SPOCK1: variants seen among roughly 807,000 people sequenced by gnomAD.
The protein encoded by SPOCK1 is SPARC (osteonectin), cwcv and kazal like domains proteoglycan 1.
In SPOCK1, 23 loss-of-function variants were observed where a neutral mutation model predicts 55.3. The ratio of observed to expected loss-of-function variants is 0.42; its 90% CI spans 0.30 to 0.59. The LOEUF (loss-of-function observed/expected upper bound fraction) is 0.59. SPOCK1 is among the 20% of genes least tolerant of loss of function. The probability of loss-of-function intolerance (pLI) is 0.22; values close to 1 mark genes in which losing one functional copy is unlikely to be tolerated. For missense variants in SPOCK1, 499 were observed against 552.5 expected, an observed-to-expected ratio of 0.90 and a Z score of 0.97; for synonymous variants, 226 against 221.0, an observed-to-expected ratio of 1.02 and a Z score of -0.20.
chr5:137,411,250 G>C (rs1457317266), intron 2 of SPOCK1, among the ~76,000 whole-genome samples: 1 of 152,160 alleles, frequency 6.6e-6, no homozygotes, highest in Non-Finnish European at 1.5e-5. Context: ...CCCAGATAAA[G>C]GGAGCTCTGA....
chr5:137,408,771 A>G (rs1752151585), intron 2 of SPOCK1, among the ~76,000 whole-genome samples: 1 of 152,246 alleles, frequency 6.6e-6, no homozygotes, highest in African/African-American at 2.4e-5. Context: ...CCTGGAAATC[A>G]GAATAAGATG....
chr5:137,173,398 G>C (rs889446874), intron 3 of SPOCK1, among the ~76,000 whole-genome samples: 1 of 152,104 alleles, frequency 6.6e-6, no homozygotes, highest in Admixed American at 6.6e-5. Flanking sequence ...CTTAACCAGA[G>C]TTGGCTTCTG....
At chr5:137,480,196 C>T (rs577852836) in intron 2 of SPOCK1, among the ~76,000 whole-genome samples, 52 of 152,162 alleles carry the variant, frequency 3.4e-4, no homozygotes, top group Admixed American at 1.4e-3. Flanking sequence ...GTTTATTTCC[C>T]GAACTGAAAT....
chr5:137,001,037 T>C (rs1421359675), intron 6 of SPOCK1, among the ~76,000 whole-genome samples: 2 of 152,020 alleles, frequency 1.3e-5, no homozygotes, highest in East Asian at 3.9e-4. Flanking sequence ...AAACAAAAAA[T>C]AGGCTCTGGA....
In SPOCK1 at chr5:136,978,580, T is replaced by G. The variant is rs1750661519; in HGVS notation, c.*74A>C. ...GAGAAGAGACCTTGGTGCCTTGGAG[T>G]CTTAGATACAAATGCAGGAATAGGA... On this transcript the variant is annotated 3_prime_UTR_variant, in exon 11 of 11. Transcript: ENST00000394945. The G allele has an allele frequency of 6.7e-7, 1 of 1,495,194 alleles. No homozygotes were observed. Among genetic ancestry groups the G allele is most frequent in the Admixed American group, 2.2e-5 (1 of 46,506 alleles). The allele number at this position is 1,495,194 out of a possible 1,614,324, so 92.6% of individuals were successfully genotyped here.
At chr5:137,284,562 C>T (rs1034031423) in intron 2 of SPOCK1, among the ~76,000 whole-genome samples, 1 of 152,202 alleles carries the variant, frequency 6.6e-6, no homozygotes, top group Non-Finnish European at 1.5e-5. Flanking sequence ...AGGTGCTGGG[C>T]CTGGCTCTGC....
At chr5:137,484,885 C>CA (rs1238637836) in intron 2 of SPOCK1, among the ~76,000 whole-genome samples, 1 of 152,044 alleles carries the variant, frequency 6.6e-6, no homozygotes, top group African/African-American at 2.4e-5. Flanking sequence ...AGAATAGCAC[C>CA]TTACTAAAAT....
chr5:137,116,771 C>T (rs1480416535), intron 4 of SPOCK1, among the ~76,000 whole-genome samples: 1 of 152,204 alleles, frequency 6.6e-6, no homozygotes, highest in East Asian at 1.9e-4. Flanking sequence ...CCCCAACACA[C>T]ACATGCACAC....
intron 2 of SPOCK1, among the ~76,000 whole-genome samples, chr5:137,395,325 T>A (rs1290958739): frequency 6.6e-6 from 1 of 152,224 alleles, no homozygotes; most frequent in Non-Finnish European, 1.5e-5. Flanking sequence ...AAATGATTTA[T>A]CAGCCATACG....
chr5:137,220,330 G>A (rs898285731), intron 3 of SPOCK1, among the ~76,000 whole-genome samples: 2 of 152,098 alleles, frequency 1.3e-5, no homozygotes, highest in African/African-American at 4.8e-5. Flanking sequence ...CCTTTCACTT[G>A]AGTCGCCCTG....
intron 6 of SPOCK1, among the ~76,000 whole-genome samples, chr5:137,025,587 G>C (rs1355323684): frequency 6.6e-6 from 1 of 152,168 alleles, no homozygotes; most frequent in African/African-American, 2.4e-5. Context: ...AGTGGCTCAT[G>C]CCTGTAGTCC....
intron 4 of SPOCK1, among the ~76,000 whole-genome samples, chr5:137,125,786 A>T (rs1377290520): frequency 2.0e-5 from 3 of 152,208 alleles, no homozygotes; most frequent in South Asian, 2.1e-4. Flanking sequence ...AGTACCTAAA[A>T]ATGTAAAAGC....
chr5:137,051,459 C>A (rs1018796074), intron 6 of SPOCK1, among the ~76,000 whole-genome samples: 1 of 152,110 alleles, frequency 6.6e-6, no homozygotes, highest in African/African-American at 2.4e-5. Flanking sequence ...CAAGCCATGA[C>A]AGAACAAAAT....
intron 2 of SPOCK1, among the ~76,000 whole-genome samples, chr5:137,310,413 T>G (rs1757769506): frequency 6.6e-6 from 1 of 152,246 alleles, no homozygotes; most frequent in South Asian, 2.1e-4. Flanking sequence ...AAGAATTTTA[T>G]ATCGTCTACT....
chr5:137,358,317 C>T (rs1424205464), intron 2 of SPOCK1, among the ~76,000 whole-genome samples: 1 of 151,598 alleles, frequency 6.6e-6, no homozygotes, highest in Non-Finnish European at 1.5e-5. Flanking sequence ...CAGAAGAGGA[C>T]ACAGCCTTGA....
intron 3 of SPOCK1, among the ~76,000 whole-genome samples, chr5:137,157,793 C>T (rs1754446997): frequency 6.6e-6 from 1 of 152,232 alleles, no homozygotes. Context: ...GGCACAGTGG[C>T]TTACACCTGC....
chr5:137,263,629 T>C (rs1056526073), intron 3 of SPOCK1, among the ~76,000 whole-genome samples: 2 of 152,230 alleles, frequency 1.3e-5, no homozygotes, highest in Non-Finnish European at 2.9e-5. Flanking sequence ...TCTTTCTTTG[T>C]GGACTTCACA....
intron 6 of SPOCK1, among the ~76,000 whole-genome samples, chr5:137,040,080 C>T (rs1751965948): frequency 1.3e-5 from 2 of 152,224 alleles, no homozygotes; most frequent in African/African-American, 4.8e-5. Flanking sequence ...GTTGTTCCTC[C>T]TGCACTTGCT....
chr5:137,115,869 T>TA (rs1221035344), intron 4 of SPOCK1, among the ~76,000 whole-genome samples: 2 of 152,144 alleles, frequency 1.3e-5, no homozygotes, highest in African/African-American at 4.8e-5. Flanking sequence ...GTGCAAATCA[T>TA]AAAAAAATAA....
Sources: allele counts gnomAD v4.1 joint callset (sites outside exome capture counted in the v4.1 genomes callset), GRCh38; gene constraint gnomAD v4.1.1; transcripts MANE v1.5; gene names NCBI Gene and HGNC (gene_info 2026-07-23, HGNC 2026-07-21).